ZFHX3: variants seen among roughly 807,000 people sequenced by gnomAD.
The protein encoded by ZFHX3 is zinc finger homeobox 3.
In ZFHX3, 42 loss-of-function variants were observed where a neutral mutation model predicts 279.1. That is an observed-to-expected ratio of 0.15 (90% CI 0.12 to 0.19). The LOEUF (loss-of-function observed/expected upper bound fraction) is 0.19, where lower values mean the gene tolerates loss of function less well. Ranked by LOEUF, ZFHX3 falls within the 10% of genes least tolerant of loss-of-function variation. The pLI is 1.00. For synonymous variants in ZFHX3, 2,293 were observed against 1,957.8 expected, an observed-to-expected ratio of 1.17 and a Z score of -4.52; for missense variants, 4,981 against 4,754.0, an observed-to-expected ratio of 1.05 and a Z score of -1.40.
intron 1 of ZFHX3, among the ~76,000 whole-genome samples, chr16:73,736,212 C>A (rs374126111): frequency 3.9e-5 from 6 of 152,254 alleles, no homozygotes; most frequent in East Asian, 3.9e-4. Flanking sequence ...TCTAGTTCAT[C>A]GTCACCCTTG....
At chr16:73,834,520 C>T (rs2142361760) in intron 1 of ZFHX3, among the ~76,000 whole-genome samples, 1 of 152,350 alleles carries the variant, frequency 6.6e-6, no homozygotes, top group Middle Eastern at 3.4e-3. Context: ...TCAGTTAAAT[C>T]TGCATCTGCC....
At chr16:73,472,921 T>C (rs1040148771) in intron 2 of ZFHX3, among the ~76,000 whole-genome samples, 1 of 152,114 alleles carries the variant, frequency 6.6e-6, no homozygotes, top group Non-Finnish European at 1.5e-5. Flanking sequence ...CCCATTACCC[T>C]TTCACCTCCA....
Position 73,038,164 on chromosome 16 carries a change from T to A in ZFHX3, c.-50+9588A>T, listed in dbSNP as rs146898009. On this transcript the variant is annotated intron_variant, in intron 1 of 9. Transcript: ENST00000268489. ...ACAAAAGGGACCTTGTACACAAAATTAACCTGAAGCATTAGTCTGTGTGGT... is the reference window on the plus strand; with the variant it reads ...ACAAAAGGGACCTTGTACACAAAATAAACCTGAAGCATTAGTCTGTGTGGT... Among the ~76,000 whole-genome samples the A allele has an allele frequency of 8.8e-3, 1,336 of 152,058 alleles. 13 individuals carry two copies. Among genetic ancestry groups the A allele is most frequent in the African/African-American group, 0.03 (1,229 of 41,476 alleles).
intron 2 of ZFHX3, among the ~76,000 whole-genome samples, chr16:73,602,922 A>G (rs1374076180): frequency 7.4e-6 from 1 of 135,200 alleles, no homozygotes; most frequent in Non-Finnish European, 1.6e-5. Context: ...TGGGTGAAAC[A>G]GCGAGACTCT....
chr16:73,544,952 A>G (rs2020084638), intron 2 of ZFHX3, among the ~76,000 whole-genome samples: 1 of 152,204 alleles, frequency 6.6e-6, no homozygotes, highest in Admixed American at 6.5e-5. Flanking sequence ...TGACGGAAGG[A>G]GAGTCAGTAT....
intron 3 of ZFHX3, among the ~76,000 whole-genome samples, chr16:73,320,568 G>A (rs1457537765): frequency 6.6e-6 from 1 of 152,124 alleles, no homozygotes; most frequent in Non-Finnish European, 1.5e-5. Flanking sequence ...TGTCGAAAGG[G>A]TGGTGATATT....
At chr16:73,477,831 G>A (rs936873049) in intron 2 of ZFHX3, among the ~76,000 whole-genome samples, 1 of 152,166 alleles carries the variant, frequency 6.6e-6, no homozygotes, top group African/African-American at 2.4e-5. Context: ...TTTCAAACCT[G>A]ACCACAAGTT....
At chr16:73,888,364 C>T (rs181543250) in intron 1 of ZFHX3, among the ~76,000 whole-genome samples, 1 of 152,272 alleles carries the variant, frequency 6.6e-6, no homozygotes, top group East Asian at 1.9e-4. Flanking sequence ...GGGAATACGG[C>T]TTTTGCCATA....
At chr16:73,654,278 A>G (rs919850432) in intron 2 of ZFHX3, among the ~76,000 whole-genome samples, 2 of 152,168 alleles carry the variant, frequency 1.3e-5, no homozygotes, top group Admixed American at 6.5e-5. Context: ...AAAATTGGCT[A>G]GATACTTTAG....
intron 2 of ZFHX3, among the ~76,000 whole-genome samples, chr16:72,956,408 T>C (rs1324504222): frequency 1.3e-5 from 2 of 152,214 alleles, no homozygotes; most frequent in Non-Finnish European, 2.9e-5. Flanking sequence ...GTTTGAAGCA[T>C]ACCGGGTGGA....
At chr16:72,953,572 G>C (rs1961101736) in intron 2 of ZFHX3, among the ~76,000 whole-genome samples, 1 of 152,112 alleles carries the variant, frequency 6.6e-6, no homozygotes, top group Non-Finnish European at 1.5e-5. Flanking sequence ...AATAAGCAGA[G>C]GAACGAAGTC....
rs868115965 is a variant in ZFHX3 at position 73,308,862 on chromosome 16, T to C, written c.-1194+9378A>G. ...TATATTAAAATATATCTTAAAAATA[T>C]ATAGATATGTAAGTTAAGTACAAAA... On this transcript the variant is annotated intron_variant, in intron 4 of 17. Coordinates refer to the ZFHX3 transcript ENST00000641206. Among the ~76,000 whole-genome samples the C allele has an allele frequency of 2.5e-4, 38 of 150,500 alleles. No individual in the cohort carries two copies. The South Asian group carries it at 6.7e-3, about 26-fold the overall frequency.
chr16:72,954,014 T>C (rs1159855892), intron 2 of ZFHX3, among the ~76,000 whole-genome samples: 2 of 152,188 alleles, frequency 1.3e-5, no homozygotes, highest in Non-Finnish European at 1.5e-5. Flanking sequence ...AATCCGCTAA[T>C]CCAGCTGCCA....
intron 4 of ZFHX3, among the ~76,000 whole-genome samples, chr16:73,282,175 T>C (rs2014474146): frequency 6.6e-6 from 1 of 152,224 alleles, no homozygotes; most frequent in Admixed American, 6.5e-5. Flanking sequence ...GCATTTCTTG[T>C]TCCCAGTCCT....
intron 1 of ZFHX3, among the ~76,000 whole-genome samples, chr16:73,712,382 G>A (rs967966852): frequency 1.3e-5 from 2 of 152,130 alleles, no homozygotes; most frequent in Admixed American, 1.3e-4. Flanking sequence ...GGTTATCAGG[G>A]AACATCTCAA....
rs572428744 is a variant in ZFHX3, at chr16:72,811,379, T to A, written c.3864+198A>T. On this transcript the variant is annotated intron_variant, in intron 7 of 9. Transcript: ENST00000268489. Reference sequence around the variant, plus strand: ...ATGATAAGGGAGGTTGAGAAACACATGTTCAGCACTTTGGGCTATGGTCAT... The same window carrying A: ...ATGATAAGGGAGGTTGAGAAACACAAGTTCAGCACTTTGGGCTATGGTCAT... Among the ~76,000 whole-genome samples, 7 of 152,196 alleles carry A rather than the reference T, an allele frequency of 4.6e-5. No individual in the cohort carries two copies. The South Asian group carries it at 8.3e-4, about 18-fold the overall frequency.
chr16:73,699,673 C>T (rs2142215423), intron 1 of ZFHX3, among the ~76,000 whole-genome samples: 1 of 152,290 alleles, frequency 6.6e-6, no homozygotes, highest in Middle Eastern at 3.4e-3. Flanking sequence ...CCCTATGAAG[C>T]TGACACTGTT....
rs749101614 is a variant in ZFHX3, at chr16:72,795,457, G to A, written c.7225C>T (p.Leu2409Phe). 1 of 1,614,186 alleles carries A rather than the reference G, an allele frequency of 6.2e-7. No individual in the cohort carries two copies. Among genetic ancestry groups the A allele is most frequent in the Non-Finnish European group, 8.5e-7 (1 of 1,180,032 alleles). Residue 2409 changes from leucine to phenylalanine, a missense_variant, in exon 9 of 10, where the codon CTT becomes TTT. Leu to Phe is a conservative substitution (Grantham distance 22). Transcript: ENST00000268489. ...GCCAGTTCCTCAGCCTCCGCTGTAAGCTGCAAGAAAGCGGAGGAAGCTGTA... is the reference window on the plus strand; with the variant it reads ...GCCAGTTCCTCAGCCTCCGCTGTAAACTGCAAGAAAGCGGAGGAAGCTGTA... ...NNTASSAFLQ[L>F]TAEAEELATF... is the part of the protein sequence containing the mutation.
intron 2 of ZFHX3, among the ~76,000 whole-genome samples, chr16:73,476,496 A>C (rs1597350127): frequency 1.3e-5 from 2 of 152,188 alleles, no homozygotes; most frequent in South Asian, 2.1e-4. Context: ...TTTAATATTC[A>C]ACATCAACTT....
Sources: gnomAD v4.1 joint callset for allele counts (sites outside exome capture counted in the v4.1 genomes callset) on GRCh38, gnomAD v4.1.1 for gene constraint, MANE v1.5 for transcripts, NCBI Gene and HGNC (gene_info 2026-07-23, HGNC 2026-07-21) for gene names.